ARHGEF3: variants seen among roughly 807,000 people sequenced by gnomAD.
The protein encoded by ARHGEF3 is 59.8 kDA protein.
Under a neutral mutation model 63.2 loss-of-function variants are expected in ARHGEF3, and 28 were observed. That is an observed-to-expected ratio of 0.44 (90% CI 0.33 to 0.61). The LOEUF (loss-of-function observed/expected upper bound fraction) is 0.61. ARHGEF3 is among the 20% of genes least tolerant of loss of function. ARHGEF3 has a pLI of 0.03. For missense variants in ARHGEF3, 533 were observed against 659.3 expected (o/e 0.81, Z 2.10); for synonymous variants, 266 against 254.2 (o/e 1.05, Z -0.44).
At chr3:56,852,294 T>G (rs2039701775) in intron 4 of ARHGEF3, among the ~76,000 whole-genome samples, 1 of 152,180 alleles carries the variant, frequency 6.6e-6, no homozygotes, top group South Asian at 2.1e-4. Flanking sequence ...TCGAACGTAT[T>G]TTCATTTTCC....
intron 2 of ARHGEF3, among the ~76,000 whole-genome samples, chr3:57,020,784 A>G (rs1405947414): frequency 1.3e-5 from 2 of 152,236 alleles, no homozygotes; most frequent in African/African-American, 4.8e-5. Flanking sequence ...CGGACCTTCC[A>G]TTCCTGTGGG....
At chr3:57,027,264 C>T (rs111501135) in intron 2 of ARHGEF3, among the ~76,000 whole-genome samples, 2,056 of 152,288 alleles carry the variant, frequency 0.014, 48 homozygotes, top group African/African-American at 0.047. Flanking sequence ...GGCCAGGGTA[C>T]TCACTTCCTC....
chr3:56,888,035 C>G (rs575453319), intron 3 of ARHGEF3, among the ~76,000 whole-genome samples: 4 of 151,546 alleles, frequency 2.6e-5, no homozygotes, highest in African/African-American at 9.7e-5. Context: ...TTAAATTCTT[C>G]AACCTCAAAT....
intron 2 of ARHGEF3, among the ~76,000 whole-genome samples, chr3:56,756,184 G>C (rs1208764849): frequency 6.6e-6 from 1 of 152,190 alleles, no homozygotes; most frequent in Admixed American, 6.5e-5. Context: ...AGAAAGCTGA[G>C]TGCATCATTT....
upstream of ARHGEF3, among the ~76,000 whole-genome samples, chr3:56,805,897 G>A (rs1387716550): frequency 1.3e-5 from 2 of 152,142 alleles, no homozygotes; most frequent in African/African-American, 2.4e-5. Context: ...CTTATAGCAC[G>A]AATGTCTCAC....
At chr3:57,042,153 A>G (rs139335183) in intron 1 of ARHGEF3, among the ~76,000 whole-genome samples, 21 of 152,252 alleles carry the variant, frequency 1.4e-4, no homozygotes, top group African/African-American at 4.8e-4. Flanking sequence ...CATGGATACA[A>G]ATGAAAAGTT....
chr3:56,740,855 A>C (rs2033969711), intron 7 of ARHGEF3, among the ~76,000 whole-genome samples: 1 of 152,206 alleles, frequency 6.6e-6, no homozygotes. Context: ...TATCCAGGAA[A>C]CCAGAAAGAA....
intron 3 of ARHGEF3, chr3:56,938,606 G>A (rs1009787501): frequency 6.6e-6 from 1 of 152,190 alleles, no homozygotes; most frequent in African/African-American, 2.4e-5. Flanking sequence ...AAGAACACAT[G>A]AGCACGTAAC....
At chr3:56,925,590 T>C (rs528907074) in intron 3 of ARHGEF3, among the ~76,000 whole-genome samples, 9 of 152,044 alleles carry the variant, frequency 5.9e-5, no homozygotes, top group Non-Finnish European at 1.2e-4. Flanking sequence ...ATGTGTCAGA[T>C]GGTAGGCTAA....
intron 2 of ARHGEF3, among the ~76,000 whole-genome samples, chr3:57,026,181 C>T (rs1560144161): frequency 6.6e-6 from 1 of 152,156 alleles, no homozygotes; most frequent in South Asian, 2.1e-4. Flanking sequence ...AGAAGGATCA[C>T]TTGAGCTCAG....
chr3:56,950,234 T>C (rs1327557417), intron 3 of ARHGEF3, among the ~76,000 whole-genome samples: 1 of 151,960 alleles, frequency 6.6e-6, no homozygotes, highest in Admixed American at 6.6e-5. Context: ...GGACTTCATG[T>C]CTAAAACACC....
At chr3:57,031,211 C>T (rs1021992118) in intron 2 of ARHGEF3, among the ~76,000 whole-genome samples, 1 of 152,160 alleles carries the variant, frequency 6.6e-6, no homozygotes, top group African/African-American at 2.4e-5. Flanking sequence ...AGAGGTGAGA[C>T]GTAGCCCCAT....
rs1560122743 is a variant in ARHGEF3, at chr3:57,002,479, T to TTATATATATATATATGTTATATATATA, written c.62+32608_62+32609insTATATATATAACATATATATATATATA. Among the ~76,000 whole-genome samples the TTATATATATATATATGTTATATATATA allele has an allele frequency of 1.4e-3, 56 of 39,460 alleles. 8 individuals are homozygous for TTATATATATATATATGTTATATATATA. Among genetic ancestry groups the TTATATATATATATATGTTATATATATA allele is most frequent in the Middle Eastern group, 0.023 (2 of 88 alleles). 25.9% of individuals were successfully genotyped at this position (39,460 alleles called of 152,430 possible). The stretch of plus-strand genomic sequence containing the variant: ...TCTAAGCACTATATATATATATATG[T>TTATATATATATATATGTTATATATATA]TATATATATATATATATGTTATATA... On this transcript the variant is annotated intron_variant, in intron 2 of 12. Transcript: ENST00000338458.
intron 1 of ARHGEF3, among the ~76,000 whole-genome samples, chr3:57,048,527 C>G (rs1045947118): frequency 6.6e-6 from 1 of 152,070 alleles, no homozygotes; most frequent in Non-Finnish European, 1.5e-5. Context: ...TCTTCTGTGT[C>G]CAAGGAGAGG....
intron 1 of ARHGEF3, among the ~76,000 whole-genome samples, chr3:56,784,821 C>T (rs2036725511): frequency 6.6e-6 from 1 of 152,158 alleles, no homozygotes; most frequent in South Asian, 2.1e-4. Context: ...CCTGTCTGGT[C>T]AGAGTGCAAT....
intron 2 of ARHGEF3, among the ~76,000 whole-genome samples, chr3:56,973,990 G>A (rs767884923): frequency 7.9e-5 from 12 of 152,312 alleles, no homozygotes; most frequent in Middle Eastern, 3.4e-3. Flanking sequence ...GGAGGCTGAG[G>A]TGGGAGAATT....
At chr3:57,063,517 A>G (rs1468159248) in intron 1 of ARHGEF3, among the ~76,000 whole-genome samples, 1 of 152,158 alleles carries the variant, frequency 6.6e-6, no homozygotes, top group Non-Finnish European at 1.5e-5. Context: ...CTACAAGTAG[A>G]GTCTTTTGAC....
At chr3:57,016,534 C>A (rs556954230) in intron 2 of ARHGEF3, among the ~76,000 whole-genome samples, 2 of 151,710 alleles carry the variant, frequency 1.3e-5, no homozygotes, top group East Asian at 1.9e-4. Context: ...GGCAACAGAG[C>A]GAAACTCCGT....
chr3:56,894,118 G>T (rs2041218101), intron 3 of ARHGEF3, among the ~76,000 whole-genome samples: 1 of 152,108 alleles, frequency 6.6e-6, no homozygotes, highest in African/African-American at 2.4e-5. Flanking sequence ...ATGCCACTGG[G>T]ATCAGCTTTC....
Sources: gnomAD v4.1 joint callset for allele counts (sites outside exome capture counted in the v4.1 genomes callset) on GRCh38, gnomAD v4.1.1 for gene constraint, MANE v1.5 for transcripts, NCBI Gene and HGNC (gene_info 2026-07-23, HGNC 2026-07-21) for gene names.